The following DNAJB1 variants were observed in gnomAD, a reference collection of about 807,000 sequenced individuals.
The protein encoded by DNAJB1 is dnaJ homolog subfamily B member 1.
A neutral mutation model predicts 24.0 loss-of-function variants in DNAJB1; 14 were observed. That is an observed-to-expected ratio of 0.58 (90% CI 0.39 to 0.91). DNAJB1 has a LOEUF of 0.91. Ranked by LOEUF, DNAJB1 falls within the 40% of genes least tolerant of loss-of-function variation. The pLI is 0.00. For synonymous variants in DNAJB1, 262 were observed against 174.4 expected (o/e 1.50, Z -3.96); for missense variants, 517 against 458.1 (o/e 1.13, Z -1.17).
chr19:14,515,930 G>C lies in DNAJB1; in HGVS notation c.*10C>G, dbSNP rs1841580484. 6.2e-7 allele frequency: 1 copy of C among 1,604,916 alleles called. No homozygotes were observed. Among genetic ancestry groups the C allele is most frequent in the African/African-American group, 1.4e-5 (1 of 73,940 alleles). ...AAGGTCCCTGGTCAGTCCTTGGGGAGCTCAGATAGCTATATTGGAAGAACC... is the reference window on the plus strand; with the variant it reads ...AAGGTCCCTGGTCAGTCCTTGGGGACCTCAGATAGCTATATTGGAAGAACC... On this transcript the variant is annotated 3_prime_UTR_variant, in exon 3 of 3. Coordinates refer to ENST00000254322, the MANE Select transcript of DNAJB1 (RefSeq NM_006145.3).
In DNAJB1 at chr19:14,534,995, G is replaced by A. The variant is rs368831302; in HGVS notation, c.-213-7185C>T. 1.0e-3 allele frequency among the ~76,000 whole-genome samples: 154 copies of A among 152,156 alleles called. 4 individuals carry two copies. In the South Asian group the frequency reaches 0.03, roughly 29 times the overall value. The stretch of plus-strand genomic sequence containing the variant: ...CCCTGAAGGGAGGGCGAGGTGCTGC[G>A]GGTCAGTGTGGACTGCTGGGAGAGG... On this transcript the variant is annotated intron_variant, in intron 1 of 3. Transcript: ENST00000676982.
upstream of DNAJB1, chr19:14,518,523 C>T (rs1276993799): frequency 4.4e-6 from 2 of 458,920 alleles, no homozygotes; most frequent in Admixed American, 4.5e-5. Context: ...GCCCTTTCAG[C>T]GACACGCGAC....
At chr19:14,517,115 G>T in intron 1 of DNAJB1, 69 bp from the exon 2 acceptor site, 1 of 1,503,546 alleles carries the variant, frequency 6.7e-7, no homozygotes. Flanking sequence ...CCCTTACAGG[G>T]GGAAACAGCT....
Position 14,557,819 on chromosome 19 carries a change from G to A in DNAJB1, c.-2166+2212C>T, listed in dbSNP as rs1049894129. 5.3e-5 allele frequency among the ~76,000 whole-genome samples: 8 copies of A among 151,096 alleles called. No homozygotes were observed. The East Asian group carries it at 5.9e-4, about 11-fold the overall frequency. ...CGCCCAGGCTGGAGTGCAGTGGCGC[G>A]ATCTCGGTTCACTGCAAGCTCTGCC... On this transcript the variant is annotated intron_variant, in intron 1 of 5. Coordinates refer to the DNAJB1 transcript ENST00000679223.
intron 1 of DNAJB1, among the ~76,000 whole-genome samples, chr19:14,557,783 T>C (rs2073782381): frequency 6.9e-6 from 1 of 145,704 alleles, no homozygotes; most frequent in African/African-American, 2.6e-5. Flanking sequence ...TGAGATGGAG[T>C]CTTGCTCTGT....
At chr19:14,546,413 C>G (rs982298857) in intron 1 of DNAJB1, among the ~76,000 whole-genome samples, 1 of 152,030 alleles carries the variant, frequency 6.6e-6, no homozygotes, top group African/African-American at 2.4e-5. Flanking sequence ...ATGCTGAAAC[C>G]CCTCTTCTAC....
upstream of DNAJB1, among the ~76,000 whole-genome samples, chr19:14,532,835 C>T (rs1335436775): frequency 6.6e-6 from 1 of 152,126 alleles, no homozygotes; most frequent in African/African-American, 2.4e-5. Flanking sequence ...TCTGGCCGGG[C>T]GAGGTGGCTC....
intron 2 of DNAJB1, among the ~76,000 whole-genome samples, chr19:14,525,002 G>A (rs1222244419): frequency 2.0e-5 from 3 of 152,132 alleles, no homozygotes; most frequent in Non-Finnish European, 2.9e-5. Flanking sequence ...TTGGGAGGCC[G>A]AGGCGGGAGG....
In DNAJB1 at chr19:14,515,090, T is replaced by C. The variant is rs926941693; in HGVS notation, c.*850A>G. Reference sequence around the variant, plus strand: ...CAAAGACCCTTTTATCAAAAGGGATTGTATCTAGGGCTGTGCAAAATTCAA... The same window carrying C: ...CAAAGACCCTTTTATCAAAAGGGATCGTATCTAGGGCTGTGCAAAATTCAA... On this transcript the variant is annotated 3_prime_UTR_variant, in exon 3 of 3. Coordinates refer to ENST00000254322, the MANE Select transcript of DNAJB1 (RefSeq NM_006145.3). 2 of 152,632 alleles carry C rather than the reference T, an allele frequency of 1.3e-5. No individual in the cohort carries two copies. The highest frequency in any genetic ancestry group is 4.8e-5 in the African/African-American group (2 of 41,458). 9.5% of individuals were successfully genotyped at this position (152,632 alleles called of 1,614,324 possible).
chr19:14,551,509 A>C (rs1388027591), upstream of DNAJB1, among the ~76,000 whole-genome samples: 1 of 152,166 alleles, frequency 6.6e-6, no homozygotes, highest in Non-Finnish European at 1.5e-5. Flanking sequence ...GCAGACAGGC[A>C]AGGCAGGTCT....
At chr19:14,526,578 C>G (rs1423587874) in intron 2 of DNAJB1, among the ~76,000 whole-genome samples, 1 of 152,104 alleles carries the variant, frequency 6.6e-6, no homozygotes, top group Non-Finnish European at 1.5e-5. Flanking sequence ...CCGGTTGACA[C>G]GCAGCATAGT....
At chr19:14,539,149 T>TC (rs2073010168) in intron 1 of DNAJB1, among the ~76,000 whole-genome samples, 1 of 138,642 alleles carries the variant, frequency 7.2e-6, no homozygotes, top group South Asian at 2.4e-4. Context: ...AATTTTTTTT[T>TC]TTTTTTTTTT....
chr19:14,544,253 C>T (rs1380318917), intron 1 of DNAJB1, among the ~76,000 whole-genome samples: 2 of 151,966 alleles, frequency 1.3e-5, no homozygotes, highest in Non-Finnish European at 2.9e-5. Context: ...TTGAGTTCTC[C>T]ACACAGCACT....
chr19:14,517,031 C>A lies in DNAJB1; in HGVS notation c.227G>T (p.Gly76Val). The A allele has an allele frequency of 6.2e-6, 10 of 1,609,586 alleles. No individual in the cohort carries two copies. Among genetic ancestry groups the A allele is most frequent in the Non-Finnish European group, 8.5e-6 (10 of 1,178,596 alleles). The change falls in exon 2 of 3, where the codon GGC (glycine) becomes GTC (valine). Residue 76 changes from glycine (G) to valine (V), a missense_variant. Physicochemically the swap from Gly to Val is moderately radical, Grantham distance 109 (BLOSUM62 -3). Coordinates refer to ENST00000254322, the MANE Select transcript of DNAJB1 (RefSeq NM_006145.3). ...ACCACCGCCGCTACCGCCACTGGGG[C>A]CACTCCCCTTTAGGCCTGAAAAGCA... ...RYGEEGLKGS[G>V]PSGGSGGGAN...
chr19:14,529,625 T>A (rs915028069), upstream of DNAJB1: 2 of 1,611,278 alleles, frequency 1.2e-6, no homozygotes, highest in African/African-American at 2.7e-5. Flanking sequence ...GCGAGCGCTG[T>A]AGGGAGCCTG....
chr19:14,560,382 T>C (rs2073867810), upstream of DNAJB1, among the ~76,000 whole-genome samples: 1 of 152,178 alleles, frequency 6.6e-6, no homozygotes, highest in Non-Finnish European at 1.5e-5. Flanking sequence ...CTTGGAAGCA[T>C]GTGGGCACTG....
intron 1 of DNAJB1, among the ~76,000 whole-genome samples, chr19:14,542,993 T>C (rs1409196854): frequency 1.3e-5 from 2 of 151,468 alleles, no homozygotes; most frequent in Non-Finnish European, 2.9e-5. Flanking sequence ...CAAATTCTTT[T>C]TTTTTTTTTT....
chr19:14,514,964 G>C lies in DNAJB1; in HGVS notation c.*976C>G, dbSNP rs1259339474. On this transcript the variant is annotated 3_prime_UTR_variant, in exon 3 of 3. Coordinates refer to ENST00000254322, the MANE Select transcript of DNAJB1 (RefSeq NM_006145.3). ...GAATTCCATTATGGCCCTATACAGAGAGCACTGGCTGCCGGGGACAGGTTT... is the reference window on the plus strand; with the variant it reads ...GAATTCCATTATGGCCCTATACAGACAGCACTGGCTGCCGGGGACAGGTTT... 1 of 152,522 alleles carries C rather than the reference G, an allele frequency of 6.6e-6. No individual in the cohort carries two copies. Among genetic ancestry groups the C allele is most frequent in the Non-Finnish European group, 1.5e-5 (1 of 68,036 alleles). The allele number at this position is 152,522 out of a possible 1,614,324, so 9.4% of individuals were successfully genotyped here. A position where few individuals can be genotyped will look rare whatever the true frequency, so the allele number is the denominator to read the frequency against.
Position 14,516,898 on chromosome 19 carries a change from G to C in DNAJB1, c.360C>G (p.Asn120Lys). ...CATCAATGTCCATGCCTTCCTCCCC[G>C]TTCCGCTGCCCAAAAAAGGTGTCAA... ...NPFDTFFGQR[N>K]GEEGMDIDDP... Residue 120 changes from asparagine to lysine, a missense_variant, in exon 2 of 3, where the codon AAC (asparagine) becomes AAG (lysine). Physicochemically the swap from Asn to Lys is moderately conservative, Grantham distance 94. Coordinates refer to ENST00000254322, the MANE Select transcript of DNAJB1 (RefSeq NM_006145.3). 1.2e-6 allele frequency: 2 copies of C among 1,614,020 alleles called. No homozygotes were observed. The highest frequency in any genetic ancestry group is 1.7e-6 in the Non-Finnish European group (2 of 1,180,008).
Sources: gnomAD v4.1 joint callset for allele counts (sites outside exome capture counted in the v4.1 genomes callset) on GRCh38, gnomAD v4.1.1 for gene constraint, MANE v1.5 for transcripts, NCBI Gene and HGNC (gene_info 2026-07-23, HGNC 2026-07-21) for gene names.